ARRB1: variants seen among roughly 807,000 people sequenced by gnomAD.
ARRB1 encodes the protein arrestin beta 1.
Under a neutral mutation model 56.8 loss-of-function variants are expected in ARRB1, and 21 were observed. That is an observed-to-expected ratio of 0.37 (90% CI 0.26 to 0.53). ARRB1 has a LOEUF of 0.53. ARRB1 is among the 20% of genes least tolerant of loss of function. The pLI, the probability that ARRB1 is intolerant of heterozygous loss-of-function variation, is 0.88. For synonymous variants in ARRB1, 210 were observed against 218.6 expected, an observed-to-expected ratio of 0.96 and a Z score of 0.35; for missense variants, 424 against 553.7, an observed-to-expected ratio of 0.77 and a Z score of 2.35.
intron 1 of ARRB1, among the ~76,000 whole-genome samples, chr11:75,351,018 ATG>A (rs1317845415): frequency 6.6e-6 from 1 of 152,038 alleles, no homozygotes; most frequent in African/African-American, 2.4e-5. Flanking sequence ...AGTGAGGGTG[ATG>A]TGTGTGCCAG....
intron 1 of ARRB1, among the ~76,000 whole-genome samples, chr11:75,329,088 CTTTTTTT>C (rs770989128): frequency 1.9e-5 from 2 of 103,656 alleles, no homozygotes; most frequent in African/African-American, 3.7e-5. Context: ...TGCTGTGTAA[CTTTTTTT>C]TTTTTTTTTT....
Position 75,281,068 on chromosome 11 carries a change from T to C in ARRB1, c.482+7A>G. 1 of 1,599,600 alleles carries C rather than the reference T, an allele frequency of 6.3e-7. No individual in the cohort carries two copies. Among genetic ancestry groups the C allele is most frequent in the Middle Eastern group, 1.7e-4 (1 of 6,052 alleles). ...GCAGGCGGCCCACACCCTGGCATCC[T>C]ACTCACCGCTTGTGGATCTTCTCCT... On this transcript the variant is annotated splice_region_variant and intron_variant, in intron 7 of 15. Coordinates refer to ENST00000420843, the MANE Select transcript of ARRB1 (RefSeq NM_004041.5).
At chr11:75,282,924 G>A (rs924542626) in intron 5 of ARRB1, among the ~76,000 whole-genome samples, 3 of 152,216 alleles carry the variant, frequency 2.0e-5, no homozygotes, top group African/African-American at 4.8e-5. Flanking sequence ...CCTCTCTTGC[G>A]AGCTGGGTTG....
intron 1 of ARRB1, among the ~76,000 whole-genome samples, chr11:75,333,665 C>G (rs946183084): frequency 6.6e-6 from 1 of 152,054 alleles, no homozygotes; most frequent in African/African-American, 2.4e-5. Flanking sequence ...ATTTTATTAC[C>G]CCCATTTTAA....
chr11:75,314,800 T>C (rs1253356254), intron 1 of ARRB1, among the ~76,000 whole-genome samples: 1 of 151,276 alleles, frequency 6.6e-6, no homozygotes, highest in Non-Finnish European at 1.5e-5. Flanking sequence ...AGCGATGGGG[T>C]TTCACCATGT....
chr11:75,289,858 G>C (rs963184563), intron 2 of ARRB1, 151 bp downstream of exon 2: 2 of 1,122,892 alleles, frequency 1.8e-6, no homozygotes, highest in Admixed American at 4.4e-5. Context: ...CCAAGAGAGA[G>C]AGCTGTGTCA....
At chr11:75,280,930 A>T in intron 7 of ARRB1, 145 bp downstream of exon 7, 2 of 952,544 alleles carry the variant, frequency 2.1e-6, no homozygotes, top group Non-Finnish European at 1.6e-6. Context: ...GTGACCTCCC[A>T]GCTTCCAGAG....
intron 3 of ARRB1, 60 bp from the exon 4 acceptor site, chr11:75,284,339 C>G: frequency 1.3e-6 from 2 of 1,501,726 alleles, no homozygotes; most frequent in Non-Finnish European, 1.8e-6. Context: ...ACCTCTGTGC[C>G]CCAAACACCA....
intron 5 of ARRB1, 144 bp from the exon 6 acceptor site, chr11:75,282,165 C>T: frequency 1.4e-6 from 1 of 740,226 alleles, no homozygotes; most frequent in Non-Finnish European, 2.2e-6. Flanking sequence ...CCATGCCAAG[C>T]CATGCCCCAT....
chr11:75,287,208 A>G, intron 3 of ARRB1, 107 bp downstream of exon 3: 1 of 1,173,258 alleles, frequency 8.5e-7, no homozygotes, highest in Non-Finnish European at 1.2e-6. Flanking sequence ...GAAGCCATTC[A>G]CCCCCGTTCT....
intron 10 of ARRB1, 75 bp downstream of exon 10, chr11:75,276,764 T>C: frequency 3.3e-6 from 5 of 1,494,390 alleles, no homozygotes; most frequent in Middle Eastern, 1.7e-4. Flanking sequence ...CACCTGGACC[T>C]GTAACAGGAC....
intron 1 of ARRB1, among the ~76,000 whole-genome samples, chr11:75,314,368 G>A (rs1947224961): frequency 6.6e-6 from 1 of 151,452 alleles, no homozygotes; most frequent in South Asian, 2.1e-4. Flanking sequence ...ACAGCTCCCA[G>A]GGATGCCCCC....
At chr11:75,349,155 G>A (rs992564409) in intron 1 of ARRB1, among the ~76,000 whole-genome samples, 23 of 152,260 alleles carry the variant, frequency 1.5e-4, no homozygotes, top group Admixed American at 1.2e-3. Context: ...CCAACTGTCC[G>A]GAAAGGGACA....
intron 1 of ARRB1, among the ~76,000 whole-genome samples, chr11:75,328,897 T>C (rs1947478645): frequency 1.3e-5 from 2 of 152,138 alleles, no homozygotes; most frequent in Non-Finnish European, 2.9e-5. Context: ...TCCAGAGATC[T>C]GCACAGCAAA....
Position 75,268,940 on chromosome 11 carries a change from G to A in ARRB1, c.1042C>T (p.Pro348Ser). The change falls in exon 14 of 16, where the codon CCC becomes TCC. Residue 348 changes from proline (P) to serine (S), a missense_variant. By Grantham distance (74) the Pro-to-Ser change is moderately conservative. Around this residue, in one of 3 missense-constraint regions of ARRB1, gnomAD observed 121 missense variants for 147.3 expected, o/e 0.82. Transcript: ENST00000420843. ...GGCTTGGGGTGCATTAGGGTGAAGGGCAGTTCCACGGCCACGTCGCTGAAA... is the reference window on the plus strand; with the variant it reads ...GGCTTGGGGTGCATTAGGGTGAAGGACAGTTCCACGGCCACGTCGCTGAAA... ...LASSDVAVEL[P>S]FTLMHPKPKE... 1.2e-6 allele frequency: 2 copies of A among 1,610,878 alleles called. No homozygotes were observed. Among genetic ancestry groups the A allele is most frequent in the Non-Finnish European group, 1.7e-6 (2 of 1,179,184 alleles).
At chr11:75,345,040 C>A (rs989561361) in intron 1 of ARRB1, among the ~76,000 whole-genome samples, 1 of 152,196 alleles carries the variant, frequency 6.6e-6, no homozygotes, top group Non-Finnish European at 1.5e-5. Context: ...ACCAGCAGAT[C>A]CCTCTCCAGG....
chr11:75,348,950 C>T (rs989215417), intron 1 of ARRB1, among the ~76,000 whole-genome samples: 1 of 152,158 alleles, frequency 6.6e-6, no homozygotes, highest in African/African-American at 2.4e-5. Flanking sequence ...AGGGCAATGA[C>T]AGTTTGTGAT....
chr11:75,290,647 T>G (rs1946588912), intron 1 of ARRB1, among the ~76,000 whole-genome samples: 1 of 152,214 alleles, frequency 6.6e-6, no homozygotes, highest in Non-Finnish European at 1.5e-5. Context: ...TGGCGTGATC[T>G]CAGCTCACTG....
intron 1 of ARRB1, among the ~76,000 whole-genome samples, chr11:75,315,526 G>T (rs909137718): frequency 1.3e-5 from 2 of 152,186 alleles, no homozygotes; most frequent in East Asian, 3.9e-4. Flanking sequence ...TAAGCACGGG[G>T]TCCCAGGCAG....
Sources: gnomAD v4.1 joint callset for allele counts (sites outside exome capture counted in the v4.1 genomes callset) on GRCh38, gnomAD v4.1.1 for gene constraint, gnomAD v4.1.1 regional missense constraint, MANE v1.5 for transcripts, NCBI Gene and HGNC (gene_info 2026-07-23, HGNC 2026-07-21) for gene names.